SYN3: variants seen among roughly 807,000 people sequenced by gnomAD.
SYN3 encodes the protein synapsin-3.
SYN3 carries 35 observed loss-of-function variants against 65.8 expected under a neutral mutation model. The ratio of observed to expected loss-of-function variants is 0.53; its 90% confidence interval spans 0.41 to 0.70. The LOEUF is 0.70. SYN3 is among the 30% of genes least tolerant of loss of function. The pLI, the probability that SYN3 is intolerant of heterozygous loss-of-function variation, is 0.00. For missense variants in SYN3, 680 were observed against 749.0 expected (o/e 0.91, Z 1.08); for synonymous variants, 270 against 292.9 (o/e 0.92, Z 0.80).
chr22:32,852,020 AATT>A lies in SYN3; in HGVS notation c.711+12892_711+12894del, dbSNP rs1196898229. Among the ~76,000 whole-genome samples, 3 of 152,328 alleles carry A rather than the reference AATT, an allele frequency of 2.0e-5. No homozygotes were observed. The East Asian group carries it at 5.8e-4, about 29-fold the overall frequency. On this transcript the variant is annotated intron_variant, in intron 6 of 13. Coordinates refer to ENST00000358763, the MANE Select transcript of SYN3 (RefSeq NM_003490.4). ...GGGATACAAAGATAACACTGCTTATAATTATGATAAGACTTGGCATCAGTTAAC... is the reference window on the plus strand; with the variant it reads ...GGGATACAAAGATAACACTGCTTATAATGATAAGACTTGGCATCAGTTAAC...
chr22:33,049,984 C>T (rs1601964658), intron 1 of SYN3, among the ~76,000 whole-genome samples: 1 of 152,248 alleles, frequency 6.6e-6, no homozygotes, highest in East Asian at 1.9e-4. Context: ...GTGAGAATAA[C>T]TAAATGCAAC....
chr22:32,869,983 CAGGGCCCCAGG>C (rs1410799293), intron 4 of SYN3, among the ~76,000 whole-genome samples: 15 of 152,268 alleles, frequency 9.9e-5, no homozygotes, highest in African/African-American at 3.6e-4. Context: ...GACTCCATCA[CAGGGCCCCAGG>C]AGGATTCACA....
intron 6 of SYN3, among the ~76,000 whole-genome samples, chr22:32,844,135 T>C (rs1382973615): frequency 1.3e-5 from 2 of 152,138 alleles, no homozygotes; most frequent in Non-Finnish European, 2.9e-5. Context: ...GGCCTTCTAG[T>C]CTGCCAGTAG....
rs545587440 is a variant in SYN3, at chr22:32,872,031, C to T, written c.462-2906G>A. ...CCCTAGATGCTCTTCTCCCACATTG[C>T]GTGTAGGTGCCTCGTCCTCAAAGCC... On this transcript the variant is annotated intron_variant, in intron 4 of 13. Transcript: ENST00000358763. 4.6e-5 allele frequency among the ~76,000 whole-genome samples: 7 copies of T among 152,230 alleles called. No homozygotes were observed. The South Asian group carries it at 6.2e-4, about 14-fold the overall frequency.
chr22:33,009,751 A>AACACACACACACAC (rs58156623), intron 1 of SYN3, among the ~76,000 whole-genome samples: 235 of 141,224 alleles, frequency 1.7e-3, no homozygotes, highest in Non-Finnish European at 9.8e-4. Context: ...TACGTATCTA[A>AACACACACACACAC]ACACACACAC....
At chr22:32,919,553 A>G (rs981055523) in intron 4 of SYN3, among the ~76,000 whole-genome samples, 1 of 152,168 alleles carries the variant, frequency 6.6e-6, no homozygotes, top group Non-Finnish European at 1.5e-5. Flanking sequence ...CCTGGGAGTG[A>G]GTGCAGGAAC....
chr22:32,936,789 G>A (rs2050788766), intron 3 of SYN3, among the ~76,000 whole-genome samples: 1 of 152,136 alleles, frequency 6.6e-6, no homozygotes, highest in African/African-American at 2.4e-5. Flanking sequence ...TTTGCCTTGG[G>A]CTTTCTCAGC....
chr22:32,557,224 A>G (rs1364925953), intron 7 of SYN3, among the ~76,000 whole-genome samples: 1 of 151,952 alleles, frequency 6.6e-6, no homozygotes, highest in Non-Finnish European at 1.5e-5. Context: ...TCCATGGGAG[A>G]GGCAGATACA....
intron 12 of SYN3, among the ~76,000 whole-genome samples, chr22:32,527,364 C>T (rs1308521686): frequency 6.6e-6 from 1 of 152,182 alleles, no homozygotes; most frequent in Non-Finnish European, 1.5e-5. Context: ...CTTTGGGAGG[C>T]TGAGGTGGGC....
chr22:32,568,540 A>G (rs1368414752), intron 7 of SYN3, among the ~76,000 whole-genome samples: 1 of 152,182 alleles, frequency 6.6e-6, no homozygotes, highest in Non-Finnish European at 1.5e-5. Context: ...TGGGAAGTCC[A>G]AGGTCAAGGT....
rs58025844 is a variant in SYN3, at chr22:32,962,129, C to CTTT, written c.369+18513_369+18515dup. On this transcript the variant is annotated intron_variant, in intron 3 of 13. Transcript: ENST00000358763. ...AGGAGCCTGTTTACTTTTAGAATCT[C>CTTT]TTTTTTTTTTTTTTTTTTTTTTTTT... Among the ~76,000 whole-genome samples, 346 of 107,178 alleles carry CTTT rather than the reference C, an allele frequency of 3.2e-3. 4 individuals are homozygous for CTTT. Among genetic ancestry groups the CTTT allele is most frequent in the African/African-American group, 7.3e-3 (196 of 26,912 alleles). 70.3% of individuals were successfully genotyped at this position (107,178 alleles called of 152,430 possible).
intron 6 of SYN3, among the ~76,000 whole-genome samples, chr22:32,609,406 T>C (rs1569087524): frequency 6.6e-6 from 1 of 151,640 alleles, no homozygotes; most frequent in Admixed American, 6.6e-5. Flanking sequence ...CTTATATAAA[T>C]AATGATTCTA....
intron 6 of SYN3, among the ~76,000 whole-genome samples, chr22:32,636,749 G>A (rs1464043330): frequency 6.6e-6 from 1 of 152,186 alleles, no homozygotes. Context: ...CTCTAAAGCA[G>A]TGTCAGGAGA....
At chr22:32,577,282 T>C (rs34630391) in intron 7 of SYN3, among the ~76,000 whole-genome samples, 3 of 152,220 alleles carry the variant, frequency 2.0e-5, no homozygotes, top group African/African-American at 7.2e-5. Context: ...ACCTGCGATG[T>C]CTCCTTATCT....
Position 32,753,450 on chromosome 22 carries a change from G to A in SYN3, c.711+111465C>T, listed in dbSNP as rs562573637. Among the ~76,000 whole-genome samples, 5 of 152,258 alleles carry A rather than the reference G, an allele frequency of 3.3e-5. No homozygotes were observed. The East Asian group carries it at 5.8e-4, about 18-fold the overall frequency. On this transcript the variant is annotated intron_variant, in intron 6 of 13. Transcript: ENST00000358763. ...ACGCATAGGGAGCTTCCTGGGGAACGGCTGGCTCCACCTCAGGAAGGGCCC... is the reference window on the plus strand; with the variant it reads ...ACGCATAGGGAGCTTCCTGGGGAACAGCTGGCTCCACCTCAGGAAGGGCCC...
chr22:33,006,065 T>C (rs955715416), intron 2 of SYN3, among the ~76,000 whole-genome samples: 17 of 152,184 alleles, frequency 1.1e-4, no homozygotes, highest in African/African-American at 3.6e-4. Flanking sequence ...ACCAAAAGAA[T>C]TGCAAAACAT....
chr22:32,980,305 G>C (rs910975204), intron 3 of SYN3, among the ~76,000 whole-genome samples: 1 of 152,188 alleles, frequency 6.6e-6, no homozygotes, highest in African/African-American at 2.4e-5. Context: ...TGGCTGCAAG[G>C]AGATGCCCCA....
chr22:32,866,851 T>C (rs547868959), intron 5 of SYN3, among the ~76,000 whole-genome samples: 1 of 152,308 alleles, frequency 6.6e-6, no homozygotes, highest in Non-Finnish European at 1.5e-5. Context: ...ATTCAGTAAG[T>C]ACTGAGTGTT....
At chr22:32,744,380 G>A (rs564559039) in intron 6 of SYN3, among the ~76,000 whole-genome samples, 5 of 152,280 alleles carry the variant, frequency 3.3e-5, no homozygotes, top group Non-Finnish European at 5.9e-5. Context: ...CGATCTATGA[G>A]AGCCGTTCCC....
Sources: allele counts gnomAD v4.1 joint callset (sites outside exome capture counted in the v4.1 genomes callset), GRCh38; gene constraint gnomAD v4.1.1; transcripts MANE v1.5; gene names NCBI Gene and HGNC (gene_info 2026-07-23, HGNC 2026-07-21).